ERC2: variants seen among roughly 807,000 people sequenced by gnomAD.
ERC2 encodes ELKS/RAB6-interacting/CAST family member 2.
ERC2 carries 42 observed loss-of-function variants against 114.8 expected under a neutral mutation model. The ratio of observed to expected loss-of-function variants is 0.37; its 90% confidence interval spans 0.29 to 0.47. The LOEUF (loss-of-function observed/expected upper bound fraction) is 0.47. Ranked by LOEUF, ERC2 falls within the 20% of genes least tolerant of loss-of-function variation. The pLI is 0.99. For synonymous variants in ERC2, 454 were observed against 425.5 expected, an observed-to-expected ratio of 1.07 and a Z score of -0.82; for missense variants, 939 against 1,150.7, an observed-to-expected ratio of 0.82 and a Z score of 2.66.
At chr3:55,832,717 G>A (rs1242129142) in intron 14 of ERC2, among the ~76,000 whole-genome samples, 1 of 152,212 alleles carries the variant, frequency 6.6e-6, no homozygotes, top group African/African-American at 2.4e-5. Flanking sequence ...TCCTTCAAAG[G>A]AACGCAGTTC....
chr3:56,329,219 G>A (rs562693851), intron 2 of ERC2, among the ~76,000 whole-genome samples: 123 of 152,314 alleles, frequency 8.1e-4, no homozygotes, highest in African/African-American at 2.9e-3. Context: ...TTATAAATTT[G>A]TTTTGGAGGA....
intron 2 of ERC2, among the ~76,000 whole-genome samples, chr3:56,348,892 G>A (rs1238791728): frequency 4.1e-5 from 1 of 24,464 alleles, no homozygotes; most frequent in African/African-American, 9.0e-5. Context: ...AGGAAGGAAG[G>A]AAGGAAGGAA....
At chr3:55,686,806 C>G (rs1014937880) in intron 16 of ERC2, among the ~76,000 whole-genome samples, 1 of 152,122 alleles carries the variant, frequency 6.6e-6, no homozygotes, top group African/African-American at 2.4e-5. Flanking sequence ...GTGTTTGATC[C>G]CTTGTGTGTC....
chr3:56,032,604 A>C (rs1275654236), intron 7 of ERC2, among the ~76,000 whole-genome samples: 1 of 152,102 alleles, frequency 6.6e-6, no homozygotes, highest in African/African-American at 2.4e-5. Context: ...AATTCTCAAA[A>C]GTCAAAAACA....
intron 12 of ERC2, among the ~76,000 whole-genome samples, chr3:55,982,966 C>T (rs909367478): frequency 2.2e-4 from 34 of 152,210 alleles, no homozygotes; most frequent in African/African-American, 7.5e-4. Flanking sequence ...AACGAGCTCA[C>T]GCCTGCTGCC....
chr3:56,370,946 T>C (rs1331378463), intron 2 of ERC2, among the ~76,000 whole-genome samples: 1 of 152,208 alleles, frequency 6.6e-6, no homozygotes, highest in African/African-American at 2.4e-5. Flanking sequence ...GTTCTCATTT[T>C]TGCCACAGTG....
chr3:55,671,677 C>T (rs184813519), intron 17 of ERC2, among the ~76,000 whole-genome samples: 6 of 152,290 alleles, frequency 3.9e-5, no homozygotes, highest in East Asian at 3.9e-4. Flanking sequence ...AGGCTATCGG[C>T]CTTCTCCTTT....
intron 14 of ERC2, among the ~76,000 whole-genome samples, chr3:55,761,682 T>C (rs1445584398): frequency 6.6e-6 from 1 of 151,782 alleles, no homozygotes; most frequent in Non-Finnish European, 1.5e-5. Flanking sequence ...TGGTGAGGGG[T>C]GATTGGATCA....
intron 10 of ERC2, among the ~76,000 whole-genome samples, chr3:55,997,232 TC>T (rs1438310331): frequency 6.6e-6 from 1 of 152,122 alleles, no homozygotes; most frequent in Non-Finnish European, 1.5e-5. Flanking sequence ...TGACTTTTCT[TC>T]CCTGCTGTTT....
chr3:56,443,958 A>ATTT (rs11343406), intron 1 of ERC2, among the ~76,000 whole-genome samples: 1 of 80,254 alleles, frequency 1.2e-5, no homozygotes, highest in Admixed American at 1.9e-4. Context: ...AATACCTACA[A>ATTT]TTTTTTTTTT....
chr3:55,625,674 C>T (rs2059493619), intron 17 of ERC2, among the ~76,000 whole-genome samples: 1 of 152,132 alleles, frequency 6.6e-6, no homozygotes, highest in Non-Finnish European at 1.5e-5. Context: ...TGGCGTGAAC[C>T]TGGGAGGCGG....
rs113215564 is a variant in ERC2, at chr3:56,235,324, A to G, written c.1074+60695T>C. 2.8e-3 allele frequency among the ~76,000 whole-genome samples: 431 copies of G among 152,332 alleles called. 1 individual carries two copies. Among genetic ancestry groups the G allele is most frequent in the African/African-American group, 0.01 (417 of 41,566 alleles). ...CTGAGAACACAAAAGAAATAATTAC[A>G]CAAACAGTTGTAATAGTGATATTTG... is the stretch of plus-strand genomic sequence containing the variant. On this transcript the variant is annotated intron_variant, in intron 3 of 17. Coordinates refer to ENST00000288221, the MANE Select transcript of ERC2 (RefSeq NM_015576.3).
rs10662352 is a variant in ERC2 at position 55,725,028 on chromosome 3, A to AAG, written c.2712+9741_2712+9742dup. 4.6e-3 allele frequency among the ~76,000 whole-genome samples: 694 copies of AAG among 152,302 alleles called. 6 individuals are homozygous for AAG. Among genetic ancestry groups the AAG allele is most frequent in the African/African-American group, 0.016 (671 of 41,562 alleles). On this transcript the variant is annotated intron_variant, in intron 15 of 17. Coordinates refer to ENST00000288221, the MANE Select transcript of ERC2 (RefSeq NM_015576.3). ...AGCACAGATGTGAAATTTGAATAAA[A>AAG]AGAGAGAGAGAGCACAGTGAGAGAT...
chr3:55,611,270 A>G (rs1322479452), intron 17 of ERC2, among the ~76,000 whole-genome samples: 2 of 152,218 alleles, frequency 1.3e-5, no homozygotes, highest in Non-Finnish European at 2.9e-5. Flanking sequence ...AAGCATTGTT[A>G]GGCTGGGAAG....
At chr3:56,300,771 G>A (rs2055820085) in intron 2 of ERC2, among the ~76,000 whole-genome samples, 1 of 152,150 alleles carries the variant, frequency 6.6e-6, no homozygotes, top group Non-Finnish European at 1.5e-5. Context: ...CTACGTAAGT[G>A]GTACAGCCAC....
intron 17 of ERC2, among the ~76,000 whole-genome samples, chr3:55,618,506 C>T (rs939755737): frequency 6.6e-6 from 1 of 152,156 alleles, no homozygotes; most frequent in African/African-American, 2.4e-5. Context: ...AAATTCCATA[C>T]TCCGTTACTA....
At chr3:55,650,849 TTTC>T (rs1340869036) in intron 17 of ERC2, among the ~76,000 whole-genome samples, 10 of 145,220 alleles carry the variant, frequency 6.9e-5, no homozygotes, top group Non-Finnish European at 7.8e-5. Flanking sequence ...GTGTTTTTTT[TTTC>T]TTTTTTTTTT....
At chr3:55,920,819 T>C (rs2065383159) in intron 13 of ERC2, among the ~76,000 whole-genome samples, 3 of 152,144 alleles carry the variant, frequency 2.0e-5, no homozygotes, top group Non-Finnish European at 4.4e-5. Context: ...GCTCAGTATT[T>C]GTCAGTCACT....
intron 14 of ERC2, among the ~76,000 whole-genome samples, chr3:55,879,190 G>C (rs548579049): frequency 7.3e-6 from 1 of 137,616 alleles, no homozygotes; most frequent in East Asian, 2.1e-4. Context: ...TTTCATCTAC[G>C]TGACAGGGCA....
Sources: allele counts gnomAD v4.1 joint callset (sites outside exome capture counted in the v4.1 genomes callset), GRCh38; gene constraint gnomAD v4.1.1; transcripts MANE v1.5; gene names NCBI Gene and HGNC (gene_info 2026-07-23, HGNC 2026-07-21).